PTPRR: variants seen among roughly 807,000 people sequenced by gnomAD.
The protein encoded by PTPRR is protein tyrosine phosphatase receptor type R, also known as receptor-type tyrosine-protein phosphatase R.
A neutral mutation model predicts 77.2 loss-of-function variants in PTPRR; 38 were observed. That is an observed-to-expected ratio of 0.49 (90% CI 0.38 to 0.65). The LOEUF is 0.65. Among genes scored for constraint, PTPRR ranks in the 30% least tolerant of loss-of-function variants. The pLI, the probability that PTPRR is intolerant of heterozygous loss-of-function variation, is 0.00. For missense variants in PTPRR, 744 were observed against 799.2 expected (o/e 0.93, Z 0.83); for synonymous variants, 299 against 283.1 (o/e 1.06, Z -0.57).
At chr12:70,752,100 A>G (rs1160079569) in intron 5 of PTPRR, among the ~76,000 whole-genome samples, 2 of 152,076 alleles carry the variant, frequency 1.3e-5, no homozygotes, top group Non-Finnish European at 2.9e-5. Flanking sequence ...TCACCATTTG[A>G]TTTTTTAAAA....
At chr12:70,652,070 T>C (rs1886415954) in intron 13 of PTPRR, among the ~76,000 whole-genome samples, 1 of 152,172 alleles carries the variant, frequency 6.6e-6, no homozygotes, top group Non-Finnish European at 1.5e-5. Flanking sequence ...GATTCAGAGC[T>C]GAAGGTAAGG....
At chr12:70,849,921 CA>C (rs1429484241) in intron 2 of PTPRR, among the ~76,000 whole-genome samples, 1 of 152,068 alleles carries the variant, frequency 6.6e-6, no homozygotes, top group Non-Finnish European at 1.5e-5. Context: ...AAACAAAAAC[CA>C]AAAGACATCC....
intron 2 of PTPRR, among the ~76,000 whole-genome samples, chr12:70,839,921 G>C (rs1019882591): frequency 1.3e-5 from 2 of 152,066 alleles, no homozygotes; most frequent in African/African-American, 2.4e-5. Flanking sequence ...CCCTCTTCTT[G>C]GCCTGACTAC....
At chr12:70,697,647 G>T (rs1592682412) in intron 8 of PTPRR, among the ~76,000 whole-genome samples, 1 of 151,236 alleles carries the variant, frequency 6.6e-6, no homozygotes, top group East Asian at 1.9e-4. Flanking sequence ...AGGTCATAAA[G>T]ATTTACAGCT....
At chr12:70,703,245 C>A (rs1661695613) in intron 6 of PTPRR, among the ~76,000 whole-genome samples, 2 of 152,078 alleles carry the variant, frequency 1.3e-5, no homozygotes, top group Non-Finnish European at 1.5e-5. Context: ...TCACATCTGG[C>A]TTTAAAAAAT....
intron 5 of PTPRR, 132 bp from the exon 6 acceptor site, chr12:70,746,218 G>T: frequency 1.2e-6 from 1 of 843,746 alleles, no homozygotes; most frequent in Non-Finnish European, 1.8e-6. Context: ...CCCTCTGAGA[G>T]ATGATTTCTC....
Position 70,785,563 on chromosome 12 carries a change from C to T in PTPRR, c.358-20785G>A, listed in dbSNP as rs142378400. Among the ~76,000 whole-genome samples the T allele has an allele frequency of 9.9e-5, 15 of 152,240 alleles. No homozygotes were observed. The East Asian group carries it at 2.7e-3, about 27-fold the overall frequency. On this transcript the variant is annotated intron_variant, in intron 2 of 13. Coordinates refer to ENST00000283228, the MANE Select transcript of PTPRR (RefSeq NM_002849.4). ...AAAATTATGAAATGGTGAAGGTCTC[C>T]ACTCTTCCAAGTACAAATTCACTGG...
chr12:70,884,871 C>CAAAAAAAAAAAAA lies in PTPRR; in HGVS notation c.357+7795_357+7807dup, dbSNP rs529547383. Among the ~76,000 whole-genome samples, 379 of 53,932 alleles carry CAAAAAAAAAAAAA rather than the reference C, an allele frequency of 7.0e-3. 19 individuals carry two copies. Among genetic ancestry groups the CAAAAAAAAAAAAA allele is most frequent in the African/African-American group, 0.023 (249 of 10,742 alleles). 35.4% of individuals were successfully genotyped at this position (53,932 alleles called of 152,430 possible). ...TGGGCAACAGAGCAAAACTCTGTCT[C>CAAAAAAAAAAAAA]AAAAAAAAAAAAAAAAAAAAAAAAA... On this transcript the variant is annotated intron_variant, in intron 2 of 13. Coordinates refer to ENST00000283228, the MANE Select transcript of PTPRR (RefSeq NM_002849.4).
chr12:70,657,819 TCC>T (rs1886640408), intron 12 of PTPRR, among the ~76,000 whole-genome samples: 1 of 152,210 alleles, frequency 6.6e-6, no homozygotes, highest in Admixed American at 6.5e-5. Flanking sequence ...TCTTCTATTT[TCC>T]ATCTCTGCTG....
chr12:70,882,527 G>A (rs1185115589), intron 2 of PTPRR, among the ~76,000 whole-genome samples: 1 of 152,166 alleles, frequency 6.6e-6, no homozygotes, highest in African/African-American at 2.4e-5. Flanking sequence ...AGTCCGGCAA[G>A]ACGCAAGAGT....
intron 2 of PTPRR, among the ~76,000 whole-genome samples, chr12:70,786,619 A>G (rs1250823026): frequency 2.0e-5 from 3 of 152,186 alleles, no homozygotes; most frequent in Non-Finnish European, 2.9e-5. Context: ...CATCAGTCTG[A>G]TCACAAGAGT....
At chr12:70,728,494 G>GTGTATATATATATATATATATA (rs1565669339) in intron 6 of PTPRR, among the ~76,000 whole-genome samples, 1 of 2,542 alleles carries the variant, frequency 3.9e-4, no homozygotes, top group African/African-American at 5.2e-4. Context: ...ATATATATAT[G>GTGTATATATATATATATATATA]TATGTATGTA....
chr12:70,837,198 A>C (rs1295805473), intron 2 of PTPRR, among the ~76,000 whole-genome samples: 4 of 152,216 alleles, frequency 2.6e-5, no homozygotes, highest in Non-Finnish European at 4.4e-5. Context: ...GAGCATCCAC[A>C]TCTGGTTCCA....
chr12:70,771,045 C>A (rs1042415275), intron 2 of PTPRR, among the ~76,000 whole-genome samples: 2 of 151,102 alleles, frequency 1.3e-5, no homozygotes, highest in African/African-American at 4.9e-5. Context: ...AGGAGATATA[C>A]CTAATGCTAA....
intron 2 of PTPRR, among the ~76,000 whole-genome samples, chr12:70,868,582 G>A (rs1892901694): frequency 6.6e-6 from 1 of 152,096 alleles, no homozygotes; most frequent in Admixed American, 6.6e-5. Flanking sequence ...CTTTTACACT[G>A]TTGGTGGGAC....
chr12:70,698,409 C>A, intron 7 of PTPRR, 60 bp from the exon 8 acceptor site: 1 of 1,430,794 alleles, frequency 7.0e-7, no homozygotes, highest in South Asian at 1.2e-5. Flanking sequence ...AAAATCTTCA[C>A]AGGGGGGCAT....
intron 2 of PTPRR, among the ~76,000 whole-genome samples, chr12:70,810,142 G>A (rs556084062): frequency 3.9e-5 from 6 of 152,138 alleles, no homozygotes; most frequent in Admixed American, 1.3e-4. Flanking sequence ...TATAAATACC[G>A]CCAGGTAAGC....
chr12:70,792,811 A>T lies in PTPRR; in HGVS notation c.358-28033T>A, dbSNP rs147527251. Among the ~76,000 whole-genome samples the T allele has an allele frequency of 2.1e-4, 32 of 152,266 alleles. 2 individuals are homozygous for T. The East Asian group carries it at 6.2e-3, about 29-fold the overall frequency. ...ACTTGTTGTAACATGTCTGAACAGG[A>T]TCTACTTTGAGGCACTAAGAATAAT... is the stretch of plus-strand genomic sequence containing the variant. On this transcript the variant is annotated intron_variant, in intron 2 of 13. Coordinates refer to ENST00000283228, the MANE Select transcript of PTPRR (RefSeq NM_002849.4).
At chr12:70,823,403 C>T (rs1056710735) in intron 2 of PTPRR, among the ~76,000 whole-genome samples, 7 of 152,174 alleles carry the variant, frequency 4.6e-5, no homozygotes, top group African/African-American at 1.7e-4. Context: ...ACCACTGTAT[C>T]TCATGGAAAG....
Sources: gnomAD v4.1 joint callset for allele counts (sites outside exome capture counted in the v4.1 genomes callset) on GRCh38, gnomAD v4.1.1 for gene constraint, MANE v1.5 for transcripts, NCBI Gene and HGNC (gene_info 2026-07-23, HGNC 2026-07-21) for gene names.